PRKG1: variants seen among roughly 807,000 people sequenced by gnomAD.
PRKG1 encodes protein kinase cGMP-dependent 1, also known as cGMP-dependent protein kinase 1.
A neutral mutation model predicts 88.1 loss-of-function variants in PRKG1; 35 were observed. The ratio of observed to expected loss-of-function variants is 0.40; its 90% CI spans 0.30 to 0.53. The LOEUF is 0.53. Ranked by LOEUF, PRKG1 falls within the 20% of genes least tolerant of loss-of-function variation. PRKG1 has a pLI of 0.59. For missense variants in PRKG1, 540 were observed against 839.8 expected (o/e 0.64, Z 4.41); for synonymous variants, 303 against 292.5 (o/e 1.04, Z -0.37).
At chr10:51,022,000 G>A (rs983966344) in intron 1 of PRKG1, among the ~76,000 whole-genome samples, 1 of 152,098 alleles carries the variant, frequency 6.6e-6, no homozygotes, top group Non-Finnish European at 1.5e-5. Context: ...TCTTATAATG[G>A]GTATGAATCT....
intron 3 of PRKG1, among the ~76,000 whole-genome samples, chr10:51,734,284 A>G (rs1336738401): frequency 6.6e-6 from 1 of 152,204 alleles, no homozygotes; most frequent in Admixed American, 6.5e-5. Context: ...ATCTATTTGA[A>G]GAACTATTTA....
chr10:52,077,932 G>A (rs889996985), intron 7 of PRKG1, among the ~76,000 whole-genome samples: 1 of 152,070 alleles, frequency 6.6e-6, no homozygotes, highest in African/African-American at 2.4e-5. Context: ...TAGGCAAAAG[G>A]GTCTTGTCTT....
At chr10:51,726,057 A>T (rs973071425) in intron 3 of PRKG1, among the ~76,000 whole-genome samples, 1 of 152,224 alleles carries the variant, frequency 6.6e-6, no homozygotes, top group African/African-American at 2.4e-5. Flanking sequence ...AAACTTCAAA[A>T]TATAGTTGAT....
At chr10:51,402,996 A>T (rs1564478859) in intron 2 of PRKG1, among the ~76,000 whole-genome samples, 1 of 152,228 alleles carries the variant, frequency 6.6e-6, no homozygotes, top group Non-Finnish European at 1.5e-5. Context: ...CAAAGCAAAT[A>T]ATTGTTTTGT....
chr10:51,867,994 C>T (rs1383686035), intron 4 of PRKG1, among the ~76,000 whole-genome samples: 1 of 152,062 alleles, frequency 6.6e-6, no homozygotes, highest in African/African-American at 2.4e-5. Flanking sequence ...TTTTGTCTGT[C>T]ATCACTTACG....
intron 2 of PRKG1, among the ~76,000 whole-genome samples, chr10:51,187,101 G>T (rs1292495606): frequency 6.6e-6 from 1 of 151,192 alleles, no homozygotes; most frequent in Non-Finnish European, 1.5e-5. Flanking sequence ...ACTTAATATT[G>T]TTCTAATTAT....
At chr10:51,497,513 T>G (rs1426781922) in intron 3 of PRKG1, among the ~76,000 whole-genome samples, 1 of 152,172 alleles carries the variant, frequency 6.6e-6, no homozygotes, top group Admixed American at 6.5e-5. Flanking sequence ...CATGCTGCAA[T>G]TAGAGAAGAG....
chr10:51,393,869 G>A (rs990074656), intron 2 of PRKG1, among the ~76,000 whole-genome samples: 3 of 152,102 alleles, frequency 2.0e-5, no homozygotes, highest in Middle Eastern at 3.2e-3. Flanking sequence ...CAATCACACT[G>A]TACTATTTGG....
intron 3 of PRKG1, among the ~76,000 whole-genome samples, chr10:51,475,544 T>C (rs541832100): frequency 6.6e-6 from 1 of 152,172 alleles, no homozygotes; most frequent in Non-Finnish European, 1.5e-5. Flanking sequence ...GACACTATAA[T>C]AAGTAGTCAG....
intron 3 of PRKG1, among the ~76,000 whole-genome samples, chr10:51,576,570 C>A (rs934384265): frequency 6.6e-6 from 1 of 151,816 alleles, no homozygotes; most frequent in African/African-American, 2.4e-5. Flanking sequence ...TGGAGTAAAT[C>A]CTAATAATGG....
chr10:51,061,659 T>A (rs1843693923), intron 1 of PRKG1, among the ~76,000 whole-genome samples: 2 of 152,192 alleles, frequency 1.3e-5, no homozygotes, highest in Non-Finnish European at 2.9e-5. Context: ...TTCCTATGTT[T>A]TAAGATTCCT....
intron 3 of PRKG1, among the ~76,000 whole-genome samples, chr10:51,709,657 A>G (rs1236843985): frequency 6.6e-6 from 1 of 152,192 alleles, no homozygotes; most frequent in Non-Finnish European, 1.5e-5. Flanking sequence ...CAGGGAGAAT[A>G]AAGAAAGTGC....
intron 3 of PRKG1, among the ~76,000 whole-genome samples, chr10:51,656,620 T>G (rs891306466): frequency 1.3e-5 from 2 of 152,134 alleles, no homozygotes; most frequent in African/African-American, 4.8e-5. Context: ...TCCTAACTCA[T>G]GTTCATTTGC....
chr10:51,449,359 G>A (rs1206346372), intron 2 of PRKG1, among the ~76,000 whole-genome samples: 3 of 151,532 alleles, frequency 2.0e-5, no homozygotes, highest in Admixed American at 1.3e-4. Context: ...AAAATACGTG[G>A]GAAATGTGAA....
chr10:52,185,882 A>G (rs1471182105), intron 9 of PRKG1, among the ~76,000 whole-genome samples: 1 of 152,176 alleles, frequency 6.6e-6, no homozygotes, highest in Non-Finnish European at 1.5e-5. Context: ...CAGGATGCAA[A>G]GAGCAGTGTC....
intron 4 of PRKG1, among the ~76,000 whole-genome samples, chr10:51,902,763 A>G (rs1842007029): frequency 6.6e-6 from 1 of 152,224 alleles, no homozygotes; most frequent in African/African-American, 2.4e-5. Flanking sequence ...AGAACAAACA[A>G]GCATGCATCC....
chr10:52,260,001 C>T (rs968032490), intron 10 of PRKG1, among the ~76,000 whole-genome samples: 5 of 151,828 alleles, frequency 3.3e-5, no homozygotes, highest in Non-Finnish European at 7.4e-5. Context: ...CCTTAATTTA[C>T]TTTTATCTGA....
At chr10:51,881,792 C>T (rs999855083) in intron 4 of PRKG1, among the ~76,000 whole-genome samples, 1 of 152,062 alleles carries the variant, frequency 6.6e-6, no homozygotes, top group Non-Finnish European at 1.5e-5. Flanking sequence ...ATAAATATAG[C>T]ATATTTGAAA....
chr10:51,793,600 T>G (rs1179406931), intron 3 of PRKG1, among the ~76,000 whole-genome samples: 1 of 151,782 alleles, frequency 6.6e-6, no homozygotes, highest in Non-Finnish European at 1.5e-5. Flanking sequence ...ATAATCAAAC[T>G]GACAAAAATC....
Sources: gnomAD v4.1 joint callset for allele counts (sites outside exome capture counted in the v4.1 genomes callset) on GRCh38, gnomAD v4.1.1 for gene constraint, MANE v1.5 for transcripts, NCBI Gene and HGNC (gene_info 2026-07-23, HGNC 2026-07-21) for gene names.